Variants in CHST11 observed in about 807,000 individuals in gnomAD.
CHST11 encodes the protein carbohydrate sulfotransferase 11, also known as C4S-1.
A neutral mutation model predicts 30.4 loss-of-function variants in CHST11; 9 were observed. That is an observed-to-expected ratio of 0.30 (90% CI 0.18 to 0.52). The LOEUF (loss-of-function observed/expected upper bound fraction) is 0.52, where lower values mean the gene tolerates loss of function less well. Ranked by LOEUF, CHST11 falls within the 20% of genes least tolerant of loss-of-function variation. The pLI, the probability that CHST11 is intolerant of heterozygous loss-of-function variation, is 0.97. For missense variants in CHST11, 348 were observed against 460.6 expected (o/e 0.76, Z 2.24); for synonymous variants, 152 against 187.8 (o/e 0.81, Z 1.56).
intron 1 of CHST11, among the ~76,000 whole-genome samples, chr12:104,567,376 A>G (rs1390730925): frequency 6.6e-6 from 1 of 152,160 alleles, no homozygotes; most frequent in Non-Finnish European, 1.5e-5. Context: ...GTAGAGAAAC[A>G]TTTGTTTGAA....
intron 1 of CHST11, among the ~76,000 whole-genome samples, chr12:104,509,121 G>C (rs3924373): frequency 0.15 from 22,385 of 152,222 alleles, 1,842 homozygotes; most frequent in East Asian, 0.34. Flanking sequence ...TCCTGTGGGA[G>C]GTCATTGAAC....
At chr12:104,579,742 C>T (rs774876548) in intron 1 of CHST11, among the ~76,000 whole-genome samples, 1 of 152,198 alleles carries the variant, frequency 6.6e-6, no homozygotes, top group Admixed American at 6.5e-5. Context: ...CTGTTGCCCG[C>T]TCTAATTGTG....
intron 1 of CHST11, among the ~76,000 whole-genome samples, chr12:104,528,979 A>G (rs909858579): frequency 6.6e-6 from 1 of 152,174 alleles, no homozygotes; most frequent in Non-Finnish European, 1.5e-5. Flanking sequence ...GGCAAGTAGG[A>G]CCTCAGTCTA....
intron 1 of CHST11, among the ~76,000 whole-genome samples, chr12:104,508,669 T>C (rs1409198639): frequency 6.6e-6 from 1 of 152,192 alleles, no homozygotes. Flanking sequence ...ACCATCAGCT[T>C]TATCCTTAAC....
intron 2 of CHST11, among the ~76,000 whole-genome samples, chr12:104,633,705 C>G (rs916172171): frequency 3.3e-5 from 5 of 151,796 alleles, no homozygotes; most frequent in African/African-American, 1.2e-4. Flanking sequence ...ATGAGCCACA[C>G]CGTGCCCAGC....
intron 1 of CHST11, among the ~76,000 whole-genome samples, chr12:104,459,955 G>A (rs1593944839): frequency 6.6e-6 from 1 of 152,280 alleles, no homozygotes; most frequent in East Asian, 1.9e-4. Flanking sequence ...GTCCACAAAA[G>A]CTCTGTGTCA....
chr12:104,657,915 C>T (rs1313965405), intron 2 of CHST11, among the ~76,000 whole-genome samples: 3 of 152,150 alleles, frequency 2.0e-5, no homozygotes, highest in East Asian at 1.9e-4. Flanking sequence ...AATAAAGACA[C>T]GCTTTATTTC....
At chr12:104,645,134 A>G (rs2039414279) in intron 2 of CHST11, among the ~76,000 whole-genome samples, 1 of 152,084 alleles carries the variant, frequency 6.6e-6, no homozygotes, top group Admixed American at 6.6e-5. Context: ...TTTTTAGTAG[A>G]GACGGGGTTT....
intron 1 of CHST11, among the ~76,000 whole-genome samples, chr12:104,477,570 C>T (rs1037274405): frequency 4.6e-5 from 7 of 152,092 alleles, no homozygotes; most frequent in Non-Finnish European, 1.0e-4. Context: ...AGGGAGCCCT[C>T]ATGAATGGGA....
At chr12:104,750,039 A>G (rs548337091) in intron 2 of CHST11, among the ~76,000 whole-genome samples, 1 of 151,882 alleles carries the variant, frequency 6.6e-6, no homozygotes, top group South Asian at 2.1e-4. Context: ...TAGTTCTGCC[A>G]TATGAAGTCG....
intron 2 of CHST11, among the ~76,000 whole-genome samples, chr12:104,744,319 C>T (rs1592870744): frequency 6.6e-6 from 1 of 152,110 alleles, no homozygotes; most frequent in African/African-American, 2.4e-5. Flanking sequence ...GATGGTATCT[C>T]ATTGTGGGTT....
intron 2 of CHST11, among the ~76,000 whole-genome samples, chr12:104,718,359 G>A (rs942294567): frequency 5.9e-5 from 9 of 152,078 alleles, no homozygotes; most frequent in South Asian, 2.1e-4. Flanking sequence ...TACCATTCAC[G>A]CACATTGTTC....
At chr12:104,689,465 G>A (rs561107687) in intron 2 of CHST11, among the ~76,000 whole-genome samples, 3 of 152,350 alleles carry the variant, frequency 2.0e-5, no homozygotes, top group South Asian at 2.1e-4. Flanking sequence ...AGGCTGAGAC[G>A]AGGTGAGCAA....
rs139011736 is a variant in CHST11 at position 104,575,639 on chromosome 12, T to A, written c.119-26267T>A. Among the ~76,000 whole-genome samples, 1,022 of 152,152 alleles carry A rather than the reference T, an allele frequency of 6.7e-3. 12 individuals are homozygous for A. Among genetic ancestry groups the A allele is most frequent in the African/African-American group, 0.023 (964 of 41,512 alleles). Reference sequence around the variant, plus strand: ...AGTGAGCTGCTGAGTGGCCAGCAGGTGCTGTTCTGTGGGGTTGGGTGGAGT... The same window carrying A: ...AGTGAGCTGCTGAGTGGCCAGCAGGAGCTGTTCTGTGGGGTTGGGTGGAGT... On this transcript the variant is annotated intron_variant, in intron 1 of 2. Coordinates refer to ENST00000303694, the MANE Select transcript of CHST11 (RefSeq NM_018413.6).
chr12:104,516,821 T>C (rs759376295), intron 1 of CHST11, among the ~76,000 whole-genome samples: 13 of 151,956 alleles, frequency 8.6e-5, no homozygotes, highest in Admixed American at 1.3e-4. Flanking sequence ...TAGGAGAGCC[T>C]AGCAGAAATG....
chr12:104,710,348 T>C (rs2040076453), intron 2 of CHST11, among the ~76,000 whole-genome samples: 1 of 152,126 alleles, frequency 6.6e-6, no homozygotes, highest in Non-Finnish European at 1.5e-5. Context: ...GTGCTGGCTG[T>C]CTCCAGACTG....
At chr12:104,674,985 A>G (rs2039727623) in intron 2 of CHST11, among the ~76,000 whole-genome samples, 1 of 152,236 alleles carries the variant, frequency 6.6e-6, no homozygotes, top group African/African-American at 2.4e-5. Context: ...AGTGACTTGA[A>G]AAATAAAATA....
At chr12:104,461,790 C>A (rs1593946337) in intron 1 of CHST11, among the ~76,000 whole-genome samples, 1 of 152,284 alleles carries the variant, frequency 6.6e-6, no homozygotes, top group South Asian at 2.1e-4. Flanking sequence ...TGCACTTTCA[C>A]TTGATCAGGT....
intron 2 of CHST11, among the ~76,000 whole-genome samples, chr12:104,677,705 C>T (rs1189118356): frequency 1.3e-5 from 2 of 152,226 alleles, no homozygotes; most frequent in East Asian, 1.9e-4. Context: ...TCAAATGTGG[C>T]GCATAGCTGC....
Sources: allele counts gnomAD v4.1 joint callset (sites outside exome capture counted in the v4.1 genomes callset), GRCh38; gene constraint gnomAD v4.1.1; transcripts MANE v1.5; gene names NCBI Gene and HGNC (gene_info 2026-07-23, HGNC 2026-07-21).